DLG2: variants seen among roughly 807,000 people sequenced by gnomAD.
DLG2 encodes discs large MAGUK scaffold protein 2.
A neutral mutation model predicts 132.5 loss-of-function variants in DLG2; 45 were observed. The ratio of observed to expected loss-of-function variants is 0.34; its 90% confidence interval spans 0.27 to 0.44. The LOEUF is 0.44. Among genes scored for constraint, DLG2 ranks in the 20% least tolerant of loss-of-function variants. The pLI is 1.00. For missense variants in DLG2, 1,045 were observed against 1,196.9 expected (o/e 0.87, Z 1.87); for synonymous variants, 424 against 419.6 (o/e 1.01, Z -0.13).
intron 9 of DLG2, among the ~76,000 whole-genome samples, chr11:84,140,598 G>T (rs368609185): frequency 6.6e-6 from 1 of 152,106 alleles, no homozygotes; most frequent in Non-Finnish European, 1.5e-5. Context: ...CTGGAGTTAG[G>T]GCAATGTTAC....
intron 19 of DLG2, among the ~76,000 whole-genome samples, chr11:83,593,507 G>T (rs951043176): frequency 6.6e-6 from 1 of 151,894 alleles, no homozygotes; most frequent in African/African-American, 2.4e-5. Context: ...GGTTGGCGGA[G>T]GGGGGAGGGA....
intron 16 of DLG2, among the ~76,000 whole-genome samples, chr11:83,861,293 G>T (rs1249911716): frequency 1.3e-5 from 2 of 152,134 alleles, no homozygotes; most frequent in Non-Finnish European, 2.9e-5. Flanking sequence ...ATGTAAATTA[G>T]TACAATCACT....
chr11:85,579,406 A>AG (rs952878375), intron 3 of DLG2, among the ~76,000 whole-genome samples: 112 of 152,304 alleles, frequency 7.4e-4, no homozygotes, highest in African/African-American at 2.6e-3. Flanking sequence ...TTTAAAAAAA[A>AG]AGAGAGAGAC....
chr11:84,411,712 C>A (rs979436456), intron 7 of DLG2, among the ~76,000 whole-genome samples: 7 of 152,026 alleles, frequency 4.6e-5, no homozygotes. Flanking sequence ...TCCAGTAGTC[C>A]TAAACAAAGC....
At chr11:84,090,724 T>G (rs1173098839) in intron 10 of DLG2, among the ~76,000 whole-genome samples, 1 of 152,136 alleles carries the variant, frequency 6.6e-6, no homozygotes, top group Non-Finnish European at 1.5e-5. Context: ...CATCAAAAGG[T>G]TTTAAAATGT....
intron 6 of DLG2, among the ~76,000 whole-genome samples, chr11:85,041,035 T>G (rs1018588773): frequency 1.3e-5 from 2 of 151,852 alleles, no homozygotes; most frequent in African/African-American, 4.8e-5. Context: ...TTTGGGGTCT[T>G]TAGGGAATAG....
intron 7 of DLG2, chr11:84,317,147 C>A: frequency 6.2e-7 from 1 of 1,608,678 alleles, no homozygotes; most frequent in Non-Finnish European, 8.5e-7. Context: ...TGCATTCATA[C>A]TGCACTGATG....
At chr11:85,517,839 T>C (rs2094199340) in intron 3 of DLG2, among the ~76,000 whole-genome samples, 1 of 152,120 alleles carries the variant, frequency 6.6e-6, no homozygotes, top group African/African-American at 2.4e-5. Flanking sequence ...CAGTGGGAGA[T>C]AACTGAATCA....
chr11:83,874,269 A>C, intron 16 of DLG2, 151 bp downstream of exon 16: 1 of 417,294 alleles, frequency 2.4e-6, no homozygotes, highest in Non-Finnish European at 4.1e-6. Flanking sequence ...GGAAAGAAGG[A>C]AGGAAGGGGA....
chr11:84,106,868 T>TGAGAGA (rs71465962), intron 9 of DLG2, among the ~76,000 whole-genome samples: 91,485 of 137,070 alleles, frequency 0.67, 30,904 homozygotes, highest in Middle Eastern at 0.77. Context: ...TGTGTATGTG[T>TGAGAGA]GAGAGAGAGA....
intron 22 of DLG2, chr11:83,480,469 A>G: frequency 6.6e-7 from 1 of 1,512,244 alleles, no homozygotes. Context: ...AGCAGCCAGA[A>G]CGGAAAGGAA....
chr11:85,048,323 A>T (rs1192968465), intron 6 of DLG2, among the ~76,000 whole-genome samples: 1 of 151,924 alleles, frequency 6.6e-6, no homozygotes, highest in East Asian at 1.9e-4. Context: ...TTAGAAATGG[A>T]TATATTCCAT....
chr11:84,667,491 G>GTTTTTTTTTTTTTTTTTTTTTTTTT (rs1275372814), intron 6 of DLG2, among the ~76,000 whole-genome samples: 1 of 35,302 alleles, frequency 2.8e-5, no homozygotes, highest in Admixed American at 5.1e-4. Context: ...TTTGTTTTTT[G>GTTTTTTTTTTTTTTTTTTTTTTTTT]TTTTTTGTTT....
chr11:83,733,199 C>T (rs1232058595), intron 18 of DLG2, among the ~76,000 whole-genome samples: 1 of 145,326 alleles, frequency 6.9e-6, no homozygotes, highest in Non-Finnish European at 1.5e-5. Context: ...TGAGATCATG[C>T]CACTGCACTC....
chr11:83,486,809 A>AAATC (rs1268200234), intron 21 of DLG2, among the ~76,000 whole-genome samples: 1 of 152,092 alleles, frequency 6.6e-6, no homozygotes, highest in Admixed American at 6.6e-5. Context: ...CAAAAAAACC[A>AAATC]AATCACAATT....
At chr11:84,857,658 TA>T (rs1318915528) in intron 6 of DLG2, among the ~76,000 whole-genome samples, 1 of 152,090 alleles carries the variant, frequency 6.6e-6, no homozygotes, top group Non-Finnish European at 1.5e-5. Flanking sequence ...GTCCCTATTT[TA>T]AAAATTATTC....
At chr11:84,929,440 A>G (rs990517551) in intron 6 of DLG2, among the ~76,000 whole-genome samples, 3 of 152,088 alleles carry the variant, frequency 2.0e-5, no homozygotes, top group African/African-American at 7.2e-5. Flanking sequence ...AAAATAACGT[A>G]TACTTCAATG....
chr11:84,866,983 C>A (rs1313073072), intron 6 of DLG2, among the ~76,000 whole-genome samples: 2 of 152,172 alleles, frequency 1.3e-5, no homozygotes. Flanking sequence ...TGCACACATT[C>A]ATTACATAGT....
intron 6 of DLG2, among the ~76,000 whole-genome samples, chr11:84,870,502 G>C (rs968018704): frequency 6.6e-6 from 1 of 152,102 alleles, no homozygotes; most frequent in Non-Finnish European, 1.5e-5. Flanking sequence ...AATGACATAA[G>C]AATGCTTTTT....
Sources: allele counts gnomAD v4.1 joint callset (sites outside exome capture counted in the v4.1 genomes callset), GRCh38; gene constraint gnomAD v4.1.1; transcripts MANE v1.5; gene names NCBI Gene and HGNC (gene_info 2026-07-23, HGNC 2026-07-21).